SH3GL2: variants seen among roughly 807,000 people sequenced by gnomAD.
SH3GL2 encodes the protein SH3 domain containing GRB2 like 2, endophilin A1.
In SH3GL2, 24 loss-of-function variants were observed where a neutral mutation model predicts 46.0. The ratio of observed to expected loss-of-function variants is 0.52; its 90% CI spans 0.38 to 0.73. The LOEUF (loss-of-function observed/expected upper bound fraction) is 0.73. Ranked by LOEUF, SH3GL2 falls within the 30% of genes least tolerant of loss-of-function variation. The pLI is 0.00. For missense variants in SH3GL2, 413 were observed against 424.2 expected (o/e 0.97, Z 0.23); for synonymous variants, 196 against 147.1 (o/e 1.33, Z -2.40).
intron 1 of SH3GL2, among the ~76,000 whole-genome samples, chr9:17,641,910 T>A (rs1819694134): frequency 6.6e-6 from 1 of 152,220 alleles, no homozygotes; most frequent in African/African-American, 2.4e-5. Context: ...TACGTGTGCA[T>A]GTGTCTTTAG....
chr9:17,724,920 A>G (rs979260231), intron 1 of SH3GL2, among the ~76,000 whole-genome samples: 3 of 151,958 alleles, frequency 2.0e-5, no homozygotes, highest in Non-Finnish European at 2.9e-5. Context: ...AGCCAGTTGG[A>G]TGTATGCGTG....
At chr9:17,687,044 A>G (rs569350305) in intron 1 of SH3GL2, among the ~76,000 whole-genome samples, 6 of 152,094 alleles carry the variant, frequency 3.9e-5, no homozygotes, top group Non-Finnish European at 7.4e-5. Flanking sequence ...TAGCGGAGTG[A>G]TAAGAATGAT....
chr9:17,705,907 C>T (rs1299589253), intron 1 of SH3GL2, among the ~76,000 whole-genome samples: 1 of 151,808 alleles, frequency 6.6e-6, no homozygotes, highest in Non-Finnish European at 1.5e-5. Flanking sequence ...TGCAATTTAC[C>T]CATGTAACAA....
At chr9:17,667,924 A>G (rs918441391) in intron 1 of SH3GL2, among the ~76,000 whole-genome samples, 3 of 152,208 alleles carry the variant, frequency 2.0e-5, no homozygotes, top group East Asian at 3.8e-4. Context: ...GCATCTCTTC[A>G]TGTGCATATT....
At chr9:17,682,065 T>G (rs1031291478) in intron 1 of SH3GL2, among the ~76,000 whole-genome samples, 1 of 151,906 alleles carries the variant, frequency 6.6e-6, no homozygotes, top group Non-Finnish European at 1.5e-5. Context: ...CAAGAAACAA[T>G]AGATGTGAGC....
At chr9:17,723,416 G>T (rs548641746) in intron 1 of SH3GL2, among the ~76,000 whole-genome samples, 1 of 152,116 alleles carries the variant, frequency 6.6e-6, no homozygotes, top group Admixed American at 6.5e-5. Flanking sequence ...TAATAATTTA[G>T]CAACTTCTTT....
At chr9:17,752,182 G>A (rs931557607) in intron 2 of SH3GL2, among the ~76,000 whole-genome samples, 1 of 152,178 alleles carries the variant, frequency 6.6e-6, no homozygotes, top group Non-Finnish European at 1.5e-5. Flanking sequence ...TTCTGAGTCA[G>A]CAGGGGACTA....
In SH3GL2 at chr9:17,761,519, C is replaced by T; in HGVS notation, c.187+10C>T. 4 of 1,497,994 alleles carry T rather than the reference C, an allele frequency of 2.7e-6. No individual in the cohort carries two copies. Among genetic ancestry groups the T allele is most frequent in the Non-Finnish European group, 3.7e-6 (4 of 1,074,136 alleles). The allele number at this position is 1,497,994 out of a possible 1,614,324, so 92.8% of individuals were successfully genotyped here. On this transcript the variant is annotated intron_variant, in intron 3 of 8. Transcript: ENST00000380607. ...CTTCAACCCAATCCAGGTAAGGCATCATCTTATATGTTTAAAGGATCCCTC... is the reference window on the plus strand; with the variant it reads ...CTTCAACCCAATCCAGGTAAGGCATTATCTTATATGTTTAAAGGATCCCTC...
chr9:17,595,211 A>G (rs970226997), intron 1 of SH3GL2, among the ~76,000 whole-genome samples: 1 of 152,248 alleles, frequency 6.6e-6, no homozygotes, highest in Non-Finnish European at 1.5e-5. Flanking sequence ...TTTAACCATG[A>G]GTCCTATTGT....
At chr9:17,643,415 T>C (rs1034893591) in intron 1 of SH3GL2, among the ~76,000 whole-genome samples, 5 of 152,200 alleles carry the variant, frequency 3.3e-5, no homozygotes, top group East Asian at 1.9e-4. Context: ...GAACTTCCAA[T>C]ACTATGTTGA....
At chr9:17,708,122 G>A (rs1163098063) in intron 1 of SH3GL2, among the ~76,000 whole-genome samples, 8 of 151,990 alleles carry the variant, frequency 5.3e-5, no homozygotes, top group East Asian at 1.9e-4. Flanking sequence ...TAGAGAAACC[G>A]TCTGTCTCCA....
At chr9:17,769,379 C>A (rs530756123) in intron 3 of SH3GL2, among the ~76,000 whole-genome samples, 2 of 152,066 alleles carry the variant, frequency 1.3e-5, no homozygotes, top group South Asian at 2.1e-4. Flanking sequence ...CTGCCTTTTT[C>A]CATTATTACT....
chr9:17,783,253 A>G (rs2131181577), intron 3 of SH3GL2, among the ~76,000 whole-genome samples: 1 of 152,044 alleles, frequency 6.6e-6, no homozygotes, highest in East Asian at 1.9e-4. Flanking sequence ...GCTAATGTTC[A>G]TTTTAATGGA....
chr9:17,712,519 C>A (rs1821653697), intron 1 of SH3GL2, among the ~76,000 whole-genome samples: 1 of 151,656 alleles, frequency 6.6e-6, no homozygotes. Flanking sequence ...TTTTTTGTTT[C>A]TGCATATGAA....
intron 3 of SH3GL2, among the ~76,000 whole-genome samples, chr9:17,765,337 CT>C (rs1823286805): frequency 6.8e-6 from 1 of 147,890 alleles, no homozygotes; most frequent in African/African-American, 2.5e-5. Context: ...ATTACTGCTC[CT>C]GGGTGCTTGC....
intron 1 of SH3GL2, among the ~76,000 whole-genome samples, chr9:17,720,545 T>G (rs930962973): frequency 3.3e-5 from 5 of 152,074 alleles, no homozygotes; most frequent in Non-Finnish European, 7.4e-5. Flanking sequence ...TTGGCAGCGC[T>G]TATTGGCTGA....
Position 17,646,212 on chromosome 9 carries a change from T to A in SH3GL2, c.45+66925T>A, listed in dbSNP as rs150167078. Among the ~76,000 whole-genome samples, 577 of 152,092 alleles carry A rather than the reference T, an allele frequency of 3.8e-3. 2 individuals are homozygous for A. The highest frequency in any genetic ancestry group is 0.013 in the African/African-American group (543 of 41,524). ...TTCACCAAGTTCTCGTGCTATGTTTTTCCGCTCCATCAGGTCATTTATGTT... is the reference window on the plus strand; with the variant it reads ...TTCACCAAGTTCTCGTGCTATGTTTATCCGCTCCATCAGGTCATTTATGTT... On this transcript the variant is annotated intron_variant, in intron 1 of 8. Coordinates refer to ENST00000380607, the MANE Select transcript of SH3GL2 (RefSeq NM_003026.5).
chr9:17,630,253 C>T (rs1225063386), intron 1 of SH3GL2: 1 of 152,138 alleles, frequency 6.6e-6, no homozygotes, highest in Non-Finnish European at 1.5e-5. Flanking sequence ...AATGAAAGCT[C>T]TGAAATATTT....
At chr9:17,600,121 C>A (rs1818642247) in intron 1 of SH3GL2, among the ~76,000 whole-genome samples, 1 of 152,264 alleles carries the variant, frequency 6.6e-6, no homozygotes, top group East Asian at 1.9e-4. Flanking sequence ...TACTGAACAG[C>A]AGTTTAGACA....
Sources: allele counts gnomAD v4.1 joint callset (sites outside exome capture counted in the v4.1 genomes callset), GRCh38; gene constraint gnomAD v4.1.1; transcripts MANE v1.5; gene names NCBI Gene and HGNC (gene_info 2026-07-23, HGNC 2026-07-21).